The following ANKFN1 variants were observed in gnomAD, a reference collection of about 807,000 sequenced individuals.
ANKFN1 encodes ankyrin repeat and fibronectin type III domain containing 1.
Under a neutral mutation model 108.7 loss-of-function variants are expected in ANKFN1, and 74 were observed. That is an observed-to-expected ratio of 0.68 (90% CI 0.56 to 0.83). The LOEUF is 0.83. Ranked by LOEUF, ANKFN1 falls within the 40% of genes least tolerant of loss-of-function variation. The probability of loss-of-function intolerance (pLI) is 0.00; values close to 1 mark genes in which losing one functional copy is unlikely to be tolerated. For synonymous variants in ANKFN1, 547 were observed against 516.2 expected (o/e 1.06, Z -0.81); for missense variants, 1,505 against 1,382.3 (o/e 1.09, Z -1.41).
intron 8 of ANKFN1, 116 bp downstream of exon 8, chr17:56,374,830 C>T: frequency 2.5e-6 from 2 of 791,340 alleles, no homozygotes; most frequent in Non-Finnish European, 4.0e-6. Context: ...GTTTTTATCC[C>T]ATTGACTTTT....
chr17:56,304,122 T>A (rs2044749561), intron 3 of ANKFN1, among the ~76,000 whole-genome samples: 1 of 152,114 alleles, frequency 6.6e-6, no homozygotes. Context: ...AAAAATCCTT[T>A]AACTTGCCAT....
chr17:56,401,406 G>A (rs921846065), intron 8 of ANKFN1, among the ~76,000 whole-genome samples: 4 of 144,094 alleles, frequency 2.8e-5, no homozygotes, highest in Non-Finnish European at 4.6e-5. Context: ...GTGTTGTGTT[G>A]TGTTGTACTG....
chr17:56,492,268 C>A lies in ANKFN1; in HGVS notation c.2342C>A (p.Thr781Asn), dbSNP rs546366691. 3.3e-3 allele frequency: 2,328 copies of A among 702,588 alleles called. 11 individuals carry two copies. Among genetic ancestry groups the A allele is most frequent in the Non-Finnish European group, 4.5e-3 (1,719 of 384,766 alleles). 43.5% of individuals were successfully genotyped at this position (702,588 alleles called of 1,614,324 possible). A position where few individuals can be genotyped will look rare whatever the true frequency, so the allele number is the denominator to read the frequency against. ...SAVVELDSLN[T>N]QQSLREAISD... Reference sequence around the variant, plus strand: ...GTTGTGGAGCTGGATTCTCTGAACACCCAACAGTCCCTCAGGGAAGCAATC... The same window carrying A: ...GTTGTGGAGCTGGATTCTCTGAACAACCAACAGTCCCTCAGGGAAGCAATC... Residue 781 changes from threonine (T) to asparagine (N), a missense_variant, in exon 19 of 21, where the codon ACC (threonine) becomes AAC (asparagine). By Grantham distance (65) the Thr-to-Asn change is moderately conservative. Transcript: ENST00000682825.
intron 8 of ANKFN1, among the ~76,000 whole-genome samples, chr17:56,384,738 A>G (rs1216126646): frequency 6.6e-6 from 1 of 152,106 alleles, no homozygotes; most frequent in Admixed American, 6.5e-5. Context: ...AAGAGAATAA[A>G]ATACCTAGGA....
intron 8 of ANKFN1, among the ~76,000 whole-genome samples, chr17:56,437,432 C>G (rs572891477): frequency 1.0e-3 from 154 of 152,224 alleles, no homozygotes; most frequent in African/African-American, 3.4e-3. Context: ...GAGTCACAGC[C>G]CTTGATTTTC....
At chr17:56,106,299 T>C (rs988524392) in intron 4 of ANKFN1, among the ~76,000 whole-genome samples, 3 of 152,198 alleles carry the variant, frequency 2.0e-5, no homozygotes, top group Admixed American at 1.3e-4. Flanking sequence ...TGGCCAGTGA[T>C]ACCAGCTCTG....
At chr17:56,267,550 T>C (rs996029125) in intron 3 of ANKFN1, among the ~76,000 whole-genome samples, 1 of 152,214 alleles carries the variant, frequency 6.6e-6, no homozygotes, top group African/African-American at 2.4e-5. Flanking sequence ...GTTTTTAATC[T>C]ATCTTGAGTT....
rs143929381 is a variant in ANKFN1, at chr17:56,487,650, A to G, written c.2261-4537A>G. Among the ~76,000 whole-genome samples the G allele has an allele frequency of 1.1e-4, 17 of 152,310 alleles. No individual in the cohort carries two copies. The East Asian group carries it at 3.3e-3, about 29-fold the overall frequency. On this transcript the variant is annotated intron_variant, in intron 18 of 20. Transcript: ENST00000682825. ...TGAACCATACAGACATTAATAAGGCACCATCTGCCCATCACAAGCTCAAAA... is the reference window on the plus strand; with the variant it reads ...TGAACCATACAGACATTAATAAGGCGCCATCTGCCCATCACAAGCTCAAAA...
intron 20 of ANKFN1, among the ~76,000 whole-genome samples, chr17:56,504,311 A>G (rs541690923): frequency 2.0e-5 from 3 of 152,220 alleles, no homozygotes; most frequent in South Asian, 4.2e-4. Context: ...CTTCTCTTGA[A>G]ATCAAGAGAA....
intron 3 of ANKFN1, chr17:56,258,162 A>G (rs1431207704): frequency 1.3e-5 from 2 of 152,204 alleles, no homozygotes; most frequent in Non-Finnish European, 2.9e-5. Flanking sequence ...AAAGTGATAT[A>G]GCATTTTTAT....
Position 56,215,518 on chromosome 17 carries a change from A to G in ANKFN1, c.12+2839A>G, listed in dbSNP as rs141216732. Among the ~76,000 whole-genome samples the G allele has an allele frequency of 5.6e-3, 860 of 152,352 alleles. 9 individuals are homozygous for G. Among genetic ancestry groups the G allele is most frequent in the African/African-American group, 0.019 (797 of 41,594 alleles). On this transcript the variant is annotated intron_variant, in intron 2 of 20. Coordinates refer to ENST00000682825, the MANE Select transcript of ANKFN1 (RefSeq NM_001370326.1). ...GACAAGAACAGGAAGATGGAGGGGC[A>G]TGGGCCCGAGAAGAAAGAATCTGAT...
chr17:56,433,324 CT>C (rs2048821675), intron 8 of ANKFN1, among the ~76,000 whole-genome samples: 1 of 152,058 alleles, frequency 6.6e-6, no homozygotes. Context: ...TGTTTTAGAA[CT>C]TATTCATCAA....
chr17:56,350,852 C>G lies in ANKFN1; in HGVS notation c.275C>G (p.Ala92Gly). Residue 92 changes from alanine (A) to glycine (G), a missense_variant, in exon 5 of 21, where the codon GCA becomes GGA. Physicochemically the swap from Ala to Gly is moderately conservative, Grantham distance 60. Coordinates refer to ENST00000682825, the MANE Select transcript of ANKFN1 (RefSeq NM_001370326.1). ...KKHSAPSSPNAAKRLYRNLSE... is the reference protein window; with the variant it reads ...KKHSAPSSPNGAKRLYRNLSE... ...CATAGTGCTCCCTCATCTCCCAACGCAGCCAAACGCCTGTACAGGAACCTC... is the reference window on the plus strand; with the variant it reads ...CATAGTGCTCCCTCATCTCCCAACGGAGCCAAACGCCTGTACAGGAACCTC... 1 of 1,613,864 alleles carries G rather than the reference C, an allele frequency of 6.2e-7. No homozygotes were observed.
intron 8 of ANKFN1, among the ~76,000 whole-genome samples, chr17:56,411,997 C>T (rs938077971): frequency 3.9e-5 from 6 of 152,106 alleles, no homozygotes; most frequent in African/African-American, 1.4e-4. Context: ...ATGCTGGCCT[C>T]ATAAAATAAG....
chr17:56,337,237 A>G (rs1312961741), intron 4 of ANKFN1, among the ~76,000 whole-genome samples: 1 of 152,090 alleles, frequency 6.6e-6, no homozygotes, highest in African/African-American at 2.4e-5. Context: ...TGTTAGGTCC[A>G]CTTCTTGCAG....
At chr17:56,395,203 G>A (rs2047544913) in intron 8 of ANKFN1, among the ~76,000 whole-genome samples, 1 of 152,192 alleles carries the variant, frequency 6.6e-6, no homozygotes, top group Non-Finnish European at 1.5e-5. Context: ...TATTTACAGA[G>A]AGGTGACGAG....
intron 4 of ANKFN1, among the ~76,000 whole-genome samples, chr17:56,136,716 T>G (rs1184433213): frequency 6.6e-6 from 1 of 152,244 alleles, no homozygotes; most frequent in Non-Finnish European, 1.5e-5. Context: ...ACAGTTGAAC[T>G]TGACATGCCA....
At chr17:56,193,956 T>A (rs1913252665) in intron 1 of ANKFN1, among the ~76,000 whole-genome samples, 1 of 152,210 alleles carries the variant, frequency 6.6e-6, no homozygotes, top group Admixed American at 6.5e-5. Context: ...ATTTAAAAAA[T>A]GAGGCAAAGA....
intron 4 of ANKFN1, among the ~76,000 whole-genome samples, chr17:56,341,819 T>C (rs1347896760): frequency 6.6e-6 from 1 of 152,026 alleles, no homozygotes. Flanking sequence ...GCTGGCCTCA[T>C]AGAATCAGTT....
Sources: allele counts gnomAD v4.1 joint callset (sites outside exome capture counted in the v4.1 genomes callset), GRCh38; gene constraint gnomAD v4.1.1; transcripts MANE v1.5; gene names NCBI Gene and HGNC (gene_info 2026-07-23, HGNC 2026-07-21).